The following OR3A2 variants were observed in gnomAD, a reference collection of about 807,000 sequenced individuals.
OR3A2 encodes olfactory receptor 3A2.
For synonymous variants in OR3A2, 126 were observed against 159.3 expected, an observed-to-expected ratio of 0.79 and a Z score of 1.57; for missense variants, 318 against 392.8, an observed-to-expected ratio of 0.81 and a Z score of 1.61.
At chr17:3,299,096 T>C (rs1040489591) in intron 3 of OR3A2, among the ~76,000 whole-genome samples, 5 of 152,188 alleles carry the variant, frequency 3.3e-5, no homozygotes, top group African/African-American at 7.2e-5. Context: ...AATAATCCCA[T>C]TTATCATACC....
chr17:3,349,862 C>A (rs1158949731), intron 2 of OR3A2, among the ~76,000 whole-genome samples: 1 of 152,108 alleles, frequency 6.6e-6, no homozygotes, highest in Non-Finnish European at 1.5e-5. Context: ...CAAACTAGAA[C>A]TCATGATTAA....
intron 3 of OR3A2, among the ~76,000 whole-genome samples, chr17:3,304,357 C>T (rs542571796): frequency 4.6e-5 from 7 of 152,202 alleles, no homozygotes; most frequent in African/African-American, 1.7e-4. Context: ...CTCACCAATT[C>T]GTGCTGCCAC....
At chr17:3,336,200 A>T (rs2062274469) in intron 2 of OR3A2, 74 bp from the exon 2 acceptor site, 2 of 152,202 alleles carry the variant, frequency 1.3e-5, no homozygotes, top group Admixed American at 6.5e-5. Context: ...ACAACAGGTG[A>T]TGTAGGCTAA....
chr17:3,334,350 T>A (rs934149736), intron 3 of OR3A2, among the ~76,000 whole-genome samples: 1 of 152,170 alleles, frequency 6.6e-6, no homozygotes, highest in South Asian at 2.1e-4. Flanking sequence ...ACTATCGTCA[T>A]GAAAAACACT....
intron 3 of OR3A2, among the ~76,000 whole-genome samples, chr17:3,330,111 T>G (rs1426504725): frequency 6.8e-6 from 1 of 147,712 alleles, no homozygotes; most frequent in Non-Finnish European, 1.5e-5. Flanking sequence ...TTACATTTGC[T>G]GAGGAGAGCT....
upstream of OR3A2, among the ~76,000 whole-genome samples, chr17:3,287,063 C>A (rs1307348196): frequency 6.6e-6 from 1 of 152,118 alleles, no homozygotes; most frequent in East Asian, 1.9e-4. Flanking sequence ...ACATTTAAGT[C>A]TTTAATCCAT....
At position 3,311,504 on chromosome 17, in the gene OR3A2, G is replaced by A; in HGVS notation, c.-85+24529C>T. On this transcript the variant is annotated intron_variant, in intron 3 of 4. Coordinates refer to the OR3A2 transcript ENST00000573491. This position sits in a 1 kb window ranked among gnomAD's most constrained non-coding sequence, Gnocchi z 4.6. ...GCTGTGTCTGCGCTTGACTTCTGTGGCCCTAATGTGGTCAACCACTTCTAC... is the reference window on the plus strand; with the variant it reads ...GCTGTGTCTGCGCTTGACTTCTGTGACCCTAATGTGGTCAACCACTTCTAC... 2.3e-6 allele frequency: 1 copy of A among 433,572 alleles called. No individual in the cohort carries two copies. Among genetic ancestry groups the A allele is most frequent in the South Asian group, 1.8e-5 (1 of 55,808 alleles). The allele number at this position is 433,572 out of a possible 1,614,324, so 26.9% of individuals were successfully genotyped here.
chr17:3,277,872 A>G lies in OR3A2; in HGVS notation c.*98T>C, dbSNP rs547490719. The stretch of plus-strand genomic sequence containing the variant: ...CACCGATCTTCAAGCATCAGGAGAT[A>G]GGAAAAATAGTTGTGGCTGAATTTT... On this transcript the variant is annotated 3_prime_UTR_variant, in exon 2 of 2. Transcript: ENST00000642052. 340 of 1,298,974 alleles carry G rather than the reference A, an allele frequency of 2.6e-4. 1 individual carries two copies. Among genetic ancestry groups the G allele is most frequent in the Middle Eastern group, 9.8e-4 (4 of 4,080 alleles). 80.5% of individuals were successfully genotyped at this position (1,298,974 alleles called of 1,614,324 possible). A position where few individuals can be genotyped will look rare whatever the true frequency, so the allele number is the denominator to read the frequency against.
At chr17:3,344,016 G>A (rs557543323) in intron 2 of OR3A2, among the ~76,000 whole-genome samples, 1 of 152,224 alleles carries the variant, frequency 6.6e-6, no homozygotes, top group South Asian at 2.1e-4. Context: ...CTAATCCATG[G>A]CTTGCAATAC....
chr17:3,333,417 C>T (rs1297588007), intron 3 of OR3A2, among the ~76,000 whole-genome samples: 18 of 152,212 alleles, frequency 1.2e-4, no homozygotes, highest in Non-Finnish European at 4.4e-5. Context: ...TTTGCTTTGC[C>T]CTTTGCCTTG....
intron 2 of OR3A2, among the ~76,000 whole-genome samples, chr17:3,338,410 A>G (rs536115058): frequency 6.6e-6 from 1 of 152,262 alleles, no homozygotes; most frequent in East Asian, 1.9e-4. Context: ...TTTAGGCCTA[A>G]TATTTAAGTC....
intron 1 of OR3A2, among the ~76,000 whole-genome samples, chr17:3,280,715 T>C (rs879572732): frequency 2.0e-5 from 3 of 152,156 alleles, no homozygotes; most frequent in Admixed American, 2.0e-4. Context: ...GGGAAGCAGC[T>C]GGAGGGGAAC....
At chr17:3,344,776 T>C (rs1286024049) in intron 2 of OR3A2, among the ~76,000 whole-genome samples, 2 of 152,044 alleles carry the variant, frequency 1.3e-5, no homozygotes, top group East Asian at 1.9e-4. Context: ...AATCCTCCAG[T>C]TATAGCTTTA....
intron 2 of OR3A2, among the ~76,000 whole-genome samples, chr17:3,371,475 T>A (rs1392069941): frequency 3.0e-5 from 2 of 66,342 alleles, no homozygotes; most frequent in African/African-American, 6.2e-5. Flanking sequence ...GGGGGGCTGA[T>A]CCCCCCACCT....
chr17:3,332,444 G>C (rs1169100677), intron 3 of OR3A2, among the ~76,000 whole-genome samples: 2 of 152,244 alleles, frequency 1.3e-5, no homozygotes, highest in Non-Finnish European at 2.9e-5. Context: ...GCAATATTCG[G>C]GTGGGAGTGA....
At chr17:3,355,455 TCTCTC>T (rs1370159977) in intron 2 of OR3A2, among the ~76,000 whole-genome samples, 1 of 119,860 alleles carries the variant, frequency 8.3e-6, no homozygotes, top group Non-Finnish European at 1.8e-5. Context: ...TCTCTCTCTC[TCTCTC>T]TTTAGCTCTA....
chr17:3,365,883 GA>G (rs1250323338), intron 2 of OR3A2, among the ~76,000 whole-genome samples: 2 of 152,216 alleles, frequency 1.3e-5, no homozygotes, highest in African/African-American at 4.8e-5. Context: ...CCTGGGGAAG[GA>G]AGATCACAGC....
intron 2 of OR3A2, among the ~76,000 whole-genome samples, chr17:3,359,194 A>G (rs1015681783): frequency 4.6e-5 from 7 of 151,700 alleles, no homozygotes; most frequent in African/African-American, 1.2e-4. Context: ...GGGTCTCATG[A>G]AGGCAGAATA....
chr17:3,332,953 C>A (rs1328771934), intron 3 of OR3A2, among the ~76,000 whole-genome samples: 1 of 152,096 alleles, frequency 6.6e-6, no homozygotes, highest in Non-Finnish European at 1.5e-5. Flanking sequence ...TTGAAAAGAA[C>A]AGAATAACAG....
Sources: gnomAD v4.1 joint callset for allele counts (sites outside exome capture counted in the v4.1 genomes callset) on GRCh38, gnomAD v4.1.1 for gene constraint, Gnocchi (gnomAD v3.1) non-coding constraint, MANE v1.5 for transcripts, NCBI Gene and HGNC (gene_info 2026-07-23, HGNC 2026-07-21) for gene names.